The following SLCO6A1 variants were observed in gnomAD, a reference collection of about 807,000 sequenced individuals.
The protein encoded by SLCO6A1 is cancer/testis antigen 48.
SLCO6A1 carries 65 observed loss-of-function variants against 72.7 expected under a neutral mutation model. That is an observed-to-expected ratio of 0.89 (90% CI 0.73 to 1.10). The LOEUF is 1.10. Among genes scored for constraint, SLCO6A1 ranks in the 50% least tolerant of loss-of-function variants. The probability of loss-of-function intolerance (pLI) is 0.00; values close to 1 mark genes in which losing one functional copy is unlikely to be tolerated. For missense variants in SLCO6A1, 874 were observed against 872.6 expected (o/e 1.00, Z -0.02); for synonymous variants, 314 against 298.2 (o/e 1.05, Z -0.55).
chr5:102,480,933 C>T (rs776483743), intron 1 of SLCO6A1, among the ~76,000 whole-genome samples: 3 of 152,042 alleles, frequency 2.0e-5, no homozygotes, highest in Admixed American at 6.5e-5. Context: ...TTTGACAATA[C>T]ATATGTCCTT....
At position 102,438,831 on chromosome 5, in the gene SLCO6A1, T is replaced by C. The variant is rs187245247; in HGVS notation, c.1132-70A>G. ...ATAAAGAGGAATAGACAGAACCAAA[T>C]GCTAATGATCTGTCTACAAAAATTT... On this transcript the variant is annotated intron_variant, in intron 6 of 13. Coordinates refer to ENST00000506729, the MANE Select transcript of SLCO6A1 (RefSeq NM_173488.5). 1.1e-3 allele frequency: 1,269 copies of C among 1,144,272 alleles called. 13 individuals carry two copies. The African/African-American group carries it at 0.019, about 17-fold the overall frequency. 70.9% of individuals were successfully genotyped at this position (1,144,272 alleles called of 1,614,324 possible).
At chr5:102,404,480 T>TGTACTCCATCACTCCA (rs1747566112) in intron 9 of SLCO6A1, among the ~76,000 whole-genome samples, 1 of 152,116 alleles carries the variant, frequency 6.6e-6, no homozygotes, top group East Asian at 1.9e-4. Context: ...TACTCCAGCC[T>TGTACTCCATCACTCCA]GGGTGATGGA....
At position 102,495,777 on chromosome 5, in the gene SLCO6A1, A is replaced by C. The variant is rs542258370; in HGVS notation, c.358+2710T>G. Reference sequence around the variant, plus strand: ...AAGGAAGGATGGAGGGAAAGGGAGAAGAAGAGAGGAAGGGAGGGAAAAAAG... The same window carrying C: ...AAGGAAGGATGGAGGGAAAGGGAGACGAAGAGAGGAAGGGAGGGAAAAAAG... On this transcript the variant is annotated intron_variant, in intron 1 of 13. Transcript: ENST00000506729. Among the ~76,000 whole-genome samples the C allele has an allele frequency of 4.1e-3, 620 of 152,156 alleles. 10 individuals carry two copies. Among genetic ancestry groups the C allele is most frequent in the African/African-American group, 0.014 (597 of 41,518 alleles).
At chr5:102,448,254 T>C (rs1169010371) in intron 6 of SLCO6A1, among the ~76,000 whole-genome samples, 1 of 152,184 alleles carries the variant, frequency 6.6e-6, no homozygotes, top group East Asian at 1.9e-4. Context: ...TATGATTTCA[T>C]TTTATTTGAA....
chr5:102,463,956 G>A (rs1375953783), intron 4 of SLCO6A1, among the ~76,000 whole-genome samples: 6 of 151,732 alleles, frequency 4.0e-5, no homozygotes, highest in African/African-American at 1.2e-4. Flanking sequence ...ATGGAACTGC[G>A]CATGTTCTCA....
chr5:102,449,589 T>C (rs1750303024), intron 6 of SLCO6A1, among the ~76,000 whole-genome samples: 1 of 152,122 alleles, frequency 6.6e-6, no homozygotes, highest in Non-Finnish European at 1.5e-5. Context: ...GGTTTCACCG[T>C]GTTACCCAGG....
chr5:102,457,154 A>C (rs1181881641), intron 6 of SLCO6A1, among the ~76,000 whole-genome samples: 1 of 152,220 alleles, frequency 6.6e-6, no homozygotes, highest in Admixed American at 6.5e-5. Context: ...AAACCCTAGA[A>C]GAAAACCTAG....
intron 8 of SLCO6A1, among the ~76,000 whole-genome samples, chr5:102,413,349 C>A (rs10060468): frequency 0.55 from 83,524 of 151,780 alleles, 24,179 homozygotes; most frequent in Non-Finnish European, 0.63. Flanking sequence ...CTTGTGAAAT[C>A]ATCACCAAAA....
chr5:102,457,039 G>C (rs1424211669), intron 6 of SLCO6A1, among the ~76,000 whole-genome samples: 1 of 152,112 alleles, frequency 6.6e-6, no homozygotes, highest in African/African-American at 2.4e-5. Flanking sequence ...TGGGAAAACT[G>C]GCTAGCCATG....
At chr5:102,455,268 A>G (rs1463193646) in intron 6 of SLCO6A1, among the ~76,000 whole-genome samples, 1 of 151,992 alleles carries the variant, frequency 6.6e-6, no homozygotes, top group East Asian at 1.9e-4. Context: ...AGAAAATGGG[A>G]TAGGAAAATT....
At chr5:102,491,868 C>T (rs556562204) in intron 1 of SLCO6A1, among the ~76,000 whole-genome samples, 4 of 152,350 alleles carry the variant, frequency 2.6e-5, no homozygotes, top group Non-Finnish European at 4.4e-5. Flanking sequence ...GTGCAGAGAG[C>T]GAGCGAGGGC....
In SLCO6A1 at chr5:102,383,095, A is replaced by ATATATATATATATATATATATATATAT. The variant is rs1554064835; in HGVS notation, c.2017+5592_2017+5593insATATATATATATATATATATATATATA. ...TATATAGTGTATGTATATGTGTGTG[A>ATATATATATATATATATATATATATAT]ATATATATATATATAGTGTTTTATA... On this transcript the variant is annotated intron_variant, in intron 12 of 13. Coordinates refer to ENST00000506729, the MANE Select transcript of SLCO6A1 (RefSeq NM_173488.5). Among the ~76,000 whole-genome samples, 487 of 128,454 alleles carry ATATATATATATATATATATATATATAT rather than the reference A, an allele frequency of 3.8e-3. 11 individuals carry two copies. The highest frequency in any genetic ancestry group is 0.013 in the African/African-American group (424 of 33,130). The allele number at this position is 128,454 out of a possible 152,430, so 84.3% of individuals were successfully genotyped here.
At chr5:102,477,890 G>C in intron 2 of SLCO6A1, 29 bp from the exon 3 acceptor site, 7 of 1,553,650 alleles carry the variant, frequency 4.5e-6, no homozygotes, top group Non-Finnish European at 6.1e-6. Flanking sequence ...TTATATTTTT[G>C]TTAATTGAAC....
At chr5:102,450,180 T>C (rs1750339253) in intron 6 of SLCO6A1, among the ~76,000 whole-genome samples, 1 of 152,182 alleles carries the variant, frequency 6.6e-6, no homozygotes, top group Non-Finnish European at 1.5e-5. Flanking sequence ...CTAGTGAGGT[T>C]GTTTGGAAGT....
intron 12 of SLCO6A1, among the ~76,000 whole-genome samples, chr5:102,374,133 G>A (rs1052810995): frequency 2.0e-5 from 3 of 151,614 alleles, no homozygotes; most frequent in African/African-American, 7.3e-5. Flanking sequence ...GACCTTCCCG[G>A]CTCAAGCGAT....
At chr5:102,478,477 T>A (rs1461860261) in intron 2 of SLCO6A1, among the ~76,000 whole-genome samples, 1 of 152,186 alleles carries the variant, frequency 6.6e-6, no homozygotes, top group African/African-American at 2.4e-5. Flanking sequence ...ATTAAATAAT[T>A]TCCCATTTTA....
At chr5:102,453,804 T>C (rs1017071864) in intron 6 of SLCO6A1, among the ~76,000 whole-genome samples, 6 of 152,160 alleles carry the variant, frequency 3.9e-5, no homozygotes, top group African/African-American at 1.4e-4. Context: ...GGGTTTTACT[T>C]AAATATCTTG....
At chr5:102,412,616 C>T (rs1748046597) in intron 9 of SLCO6A1, among the ~76,000 whole-genome samples, 1 of 151,968 alleles carries the variant, frequency 6.6e-6, no homozygotes. Context: ...CAAAAATTAG[C>T]TGTGTGCGGT....
chr5:102,467,463 C>T (rs1751368843), intron 4 of SLCO6A1, among the ~76,000 whole-genome samples: 1 of 151,868 alleles, frequency 6.6e-6, no homozygotes, highest in South Asian at 2.1e-4. Flanking sequence ...TGCAGGGGAC[C>T]TCCCATTTAT....
Sources: allele counts gnomAD v4.1 joint callset (sites outside exome capture counted in the v4.1 genomes callset), GRCh38; gene constraint gnomAD v4.1.1; transcripts MANE v1.5; gene names NCBI Gene and HGNC (gene_info 2026-07-23, HGNC 2026-07-21).